MTA3: variants seen among roughly 807,000 people sequenced by gnomAD.
The protein encoded by MTA3 is metastasis associated 1 family member 3, also known as metastasis-associated protein MTA3.
In MTA3, 34 loss-of-function variants were observed where a neutral mutation model predicts 83.5. The ratio of observed to expected loss-of-function variants is 0.41; its 90% CI spans 0.31 to 0.54. The LOEUF is 0.54. Ranked by LOEUF, MTA3 falls within the 20% of genes least tolerant of loss-of-function variation. The probability of loss-of-function intolerance (pLI) is 0.33; values close to 1 mark genes in which losing one functional copy is unlikely to be tolerated. For missense variants in MTA3, 761 were observed against 726.4 expected (o/e 1.05, Z -0.55); for synonymous variants, 303 against 252.7 (o/e 1.20, Z -1.89).
Position 42,663,935 on chromosome 2 carries a change from G to A in MTA3, c.702+4073G>A, listed in dbSNP as rs770186992. Among the ~76,000 whole-genome samples, 11 of 152,106 alleles carry A rather than the reference G, an allele frequency of 7.2e-5. No homozygotes were observed. In the South Asian group the frequency reaches 8.3e-4, roughly 11 times the overall value. ...ATATTCTTTCTAGTTATTTATTACC[G>A]TAATTATTTTCTAAAGCAGAAGTAG... On this transcript the variant is annotated intron_variant, in intron 8 of 16. Transcript: ENST00000405094.
At chr2:42,541,705 T>G (rs1474486925) in intron 2 of MTA3, among the ~76,000 whole-genome samples, 1 of 152,212 alleles carries the variant, frequency 6.6e-6, no homozygotes, top group Non-Finnish European at 1.5e-5. Context: ...TGCCATTCAG[T>G]AACCTTGTTT....
chr2:42,718,334 A>G (rs551089795), intron 14 of MTA3, among the ~76,000 whole-genome samples: 2 of 151,286 alleles, frequency 1.3e-5, no homozygotes, highest in East Asian at 2.0e-4. Context: ...CGCAATGTCC[A>G]CCTCCTGGGT....
intron 2 of MTA3, among the ~76,000 whole-genome samples, chr2:42,551,101 T>C (rs1345073540): frequency 6.6e-6 from 1 of 151,640 alleles, no homozygotes; most frequent in Non-Finnish European, 1.5e-5. Flanking sequence ...AAATTTATGA[T>C]AGAATAGTAG....
intron 3 of MTA3, among the ~76,000 whole-genome samples, chr2:42,599,160 C>A (rs1212446178): frequency 6.6e-6 from 1 of 152,116 alleles, no homozygotes; most frequent in Non-Finnish European, 1.5e-5. Context: ...TTTCCTGAGC[C>A]AGTGTTGCAT....
chr2:42,655,756 C>T (rs544599524), intron 6 of MTA3, among the ~76,000 whole-genome samples: 245 of 152,284 alleles, frequency 1.6e-3, no homozygotes, highest in Admixed American at 3.5e-3. Context: ...GCGCCTGCTA[C>T]CACACCCGGC....
Position 42,754,191 on chromosome 2 carries a change from G to A in MTA3, c.*792G>A, listed in dbSNP as rs530531104. 1,697 of 985,468 alleles carry A rather than the reference G, an allele frequency of 1.7e-3. 2 individuals are homozygous for A. Among genetic ancestry groups the A allele is most frequent in the Non-Finnish European group, 1.9e-3 (1,615 of 829,962 alleles). The allele number at this position is 985,468 out of a possible 1,614,324, so 61.0% of individuals were successfully genotyped here. A position where few individuals can be genotyped will look rare whatever the true frequency, so the allele number is the denominator to read the frequency against. On this transcript the variant is annotated 3_prime_UTR_variant, in exon 17 of 17. Transcript: ENST00000405094. Reference sequence around the variant, plus strand: ...AGCGTGTGTATCACTGTGACAAGCCGTTTGCTTACTGCCCTGTTCCCTTGC... The same window carrying A: ...AGCGTGTGTATCACTGTGACAAGCCATTTGCTTACTGCCCTGTTCCCTTGC...
intron 2 of MTA3, among the ~76,000 whole-genome samples, chr2:42,545,443 G>C (rs932321540): frequency 6.6e-6 from 1 of 152,032 alleles, no homozygotes; most frequent in Admixed American, 6.6e-5. Context: ...TCAGTAACTC[G>C]GGAGAGAAAT....
At chr2:42,624,141 T>C (rs1347169694) in intron 4 of MTA3, among the ~76,000 whole-genome samples, 1 of 152,216 alleles carries the variant, frequency 6.6e-6, no homozygotes, top group African/African-American at 2.4e-5. Context: ...TTACTGGAAG[T>C]CAATTATTGC....
intron 2 of MTA3, among the ~76,000 whole-genome samples, chr2:42,560,527 G>T (rs1006031775): frequency 6.6e-6 from 1 of 151,152 alleles, no homozygotes; most frequent in Non-Finnish European, 1.5e-5. Flanking sequence ...ACTCCAGCCT[G>T]GGCAACAGAG....
At position 42,729,206 on chromosome 2, in the gene MTA3, C is replaced by A. The variant is rs138341380; in HGVS notation, c.1759+6171C>A. ...CCTTCCGGGGGGTTCATGCAATTCT[C>A]CTGCCTCAGCCTACCCAGTAGCTGG... On this transcript the variant is annotated intron_variant, in intron 16 of 16. Transcript: ENST00000405094. 2.2e-3 allele frequency among the ~76,000 whole-genome samples: 316 copies of A among 144,726 alleles called. 2 individuals carry two copies. The highest frequency in any genetic ancestry group is 7.0e-3 in the African/African-American group (280 of 39,742). The allele number at this position is 144,726 out of a possible 152,430, so 94.9% of individuals were successfully genotyped here. A position where few individuals can be genotyped will look rare whatever the true frequency, so the allele number is the denominator to read the frequency against.
Position 42,692,518 on chromosome 2 carries a change from G to A in MTA3, c.892-3247G>A, listed in dbSNP as rs945181415. On this transcript the variant is annotated intron_variant, in intron 9 of 16. Coordinates refer to ENST00000405094, the MANE Select transcript of MTA3 (RefSeq NM_001330442.2). ...CGGCTCACTGTAACCTCCACCTCCC[G>A]GGTTCAAGCAATTCTCGTGCCTCAG... 4.0e-5 allele frequency among the ~76,000 whole-genome samples: 6 copies of A among 150,776 alleles called. 1 individual carries two copies. The highest frequency in any genetic ancestry group is 3.9e-4 in the East Asian group (2 of 5,122).
intron 2 of MTA3, among the ~76,000 whole-genome samples, chr2:42,547,438 G>A (rs541415795): frequency 2.6e-5 from 4 of 152,344 alleles, no homozygotes; most frequent in Non-Finnish European, 4.4e-5. Context: ...AGCGATTCTC[G>A]TGCCTCAGCC....
intron 4 of MTA3, among the ~76,000 whole-genome samples, chr2:42,633,693 C>T (rs188449180): frequency 0.013 from 1,996 of 152,130 alleles, 39 homozygotes; most frequent in African/African-American, 0.045. Context: ...AGATCGAGAC[C>T]ATCCTGGCTA....
At chr2:42,646,216 C>T (rs1450124979) in intron 6 of MTA3, among the ~76,000 whole-genome samples, 2 of 152,216 alleles carry the variant, frequency 1.3e-5, no homozygotes, top group Non-Finnish European at 2.9e-5. Flanking sequence ...AAAAACTGCT[C>T]ATTGATAATG....
chr2:42,609,527 A>C lies in MTA3; in HGVS notation c.260A>C (p.Lys87Thr). ...ACCGATAAGCAGAAACATCAGTTGA[A>C]ACATAGGGAACTCTTTTTGTCACGC... is the stretch of plus-strand genomic sequence containing the variant. ...DLTDKQKHQL[K>T]HRELFLSRQY... The change falls in exon 4 of 17, where the codon AAA (lysine) becomes ACA (threonine). Residue 87 changes from lysine (K) to threonine (T), a missense_variant. Physicochemically the swap from Lys to Thr is moderately conservative, Grantham distance 78 (BLOSUM62 -1). Transcript: ENST00000405094. 1.2e-6 allele frequency: 2 copies of C among 1,613,940 alleles called. No individual in the cohort carries two copies. The highest frequency in any genetic ancestry group is 8.5e-7 in the Non-Finnish European group (1 of 1,179,854).
intron 2 of MTA3, among the ~76,000 whole-genome samples, chr2:42,538,565 G>T (rs1438335487): frequency 2.0e-5 from 3 of 151,630 alleles, no homozygotes; most frequent in African/African-American, 7.3e-5. Context: ...AAAATTAGCT[G>T]GGCGTGGTAG....
At chr2:42,594,964 A>G (rs1412695519) in intron 3 of MTA3, among the ~76,000 whole-genome samples, 1 of 148,498 alleles carries the variant, frequency 6.7e-6, no homozygotes, top group South Asian at 2.1e-4. Flanking sequence ...CGTGTTAACC[A>G]GGATGGTCTT....
chr2:42,505,132 G>A (rs1674574513), intron 2 of MTA3, among the ~76,000 whole-genome samples: 1 of 152,138 alleles, frequency 6.6e-6, no homozygotes, highest in East Asian at 1.9e-4. Flanking sequence ...GGTGACTCAT[G>A]ACTGTAATCC....
chr2:42,512,668 G>A lies in MTA3; in HGVS notation c.-141+17414G>A, dbSNP rs571252728. Among the ~76,000 whole-genome samples the A allele has an allele frequency of 9.2e-5, 14 of 152,202 alleles. No homozygotes were observed. In the South Asian group the frequency reaches 2.9e-3, roughly 32 times the overall value. Reference sequence around the variant, plus strand: ...AGCTTACCAAGTTTCCTTTGATGATGCCAAGAAGACATTTTCTCCTCTAGA... The same window carrying A: ...AGCTTACCAAGTTTCCTTTGATGATACCAAGAAGACATTTTCTCCTCTAGA... On this transcript the variant is annotated intron_variant, in intron 2 of 17. Coordinates refer to the MTA3 transcript ENST00000405592.
Sources: gnomAD v4.1 joint callset for allele counts (sites outside exome capture counted in the v4.1 genomes callset) on GRCh38, gnomAD v4.1.1 for gene constraint, MANE v1.5 for transcripts, NCBI Gene and HGNC (gene_info 2026-07-23, HGNC 2026-07-21) for gene names.